The following MTMR4 variants were observed in gnomAD, a reference collection of about 807,000 sequenced individuals.
MTMR4 encodes phosphatidylinositol-3,5-bisphosphate 3-phosphatase MTMR4.
In MTMR4, 30 loss-of-function variants were observed where a neutral mutation model predicts 125.5. That is an observed-to-expected ratio of 0.24 (90% CI 0.18 to 0.32). The LOEUF (loss-of-function observed/expected upper bound fraction) is 0.32. Ranked by LOEUF, MTMR4 falls within the 10% of genes least tolerant of loss-of-function variation. The pLI is 1.00. For synonymous variants in MTMR4, 498 were observed against 564.5 expected, an observed-to-expected ratio of 0.88 and a Z score of 1.67; for missense variants, 1,039 against 1,511.5, an observed-to-expected ratio of 0.69 and a Z score of 5.18.
rs1188601485 is a variant in MTMR4, at chr17:58,496,110, G to A, written c.2074C>T (p.Pro692Ser). Residue 692 changes from proline (P) to serine (S), a missense_variant, in exon 15 of 18, where the codon CCT becomes TCT. Physicochemically the swap from Pro to Ser is moderately conservative, Grantham distance 74. Around this residue, in one of 6 missense-constraint regions of MTMR4, gnomAD observed 619 missense variants for 714.5 expected, o/e 0.87. Transcript: ENST00000682306. ...QTVGEVGLPP[P>S]LPSSQKDYLS... ...TAGTCTTTCTGGCTGCTGGGCAGAG[G>A]AGGAGGAAGACCCACTTCTCCTACA... 1.2e-6 allele frequency: 2 copies of A among 1,614,166 alleles called. No individual in the cohort carries two copies. Among genetic ancestry groups the A allele is most frequent in the Non-Finnish European group, 1.7e-6 (2 of 1,180,008 alleles).
upstream of MTMR4, chr17:58,516,649 A>G: frequency 6.3e-7 from 1 of 1,594,942 alleles, no homozygotes; most frequent in Non-Finnish European, 8.6e-7. Context: ...ATAAAAGTAA[A>G]GGACCCCATT....
At position 58,494,126 on chromosome 17, in the gene MTMR4, AAC is replaced by A. The variant is rs200154485; in HGVS notation, c.3252+804_3252+805del. Among the ~76,000 whole-genome samples the A allele has an allele frequency of 8.7e-3, 1,322 of 152,078 alleles. 21 individuals are homozygous for A. Among genetic ancestry groups the A allele is most frequent in the African/African-American group, 0.03 (1,224 of 41,446 alleles). On this transcript the variant is annotated intron_variant, in intron 15 of 17. Coordinates refer to ENST00000682306, the MANE Select transcript of MTMR4 (RefSeq NM_001378067.1). ...TCAGGGGATCGAGACCATCCTGGCT[AAC>A]ACAGTGAGACCCCATCTCTACTAAA... is the stretch of plus-strand genomic sequence containing the variant.
In MTMR4 at chr17:58,504,614, G is replaced by C; in HGVS notation, c.1342-126C>G. 2 of 1,351,034 alleles carry C rather than the reference G, an allele frequency of 1.5e-6. No individual in the cohort carries two copies. Among genetic ancestry groups the C allele is most frequent in the Non-Finnish European group, 2.0e-6 (2 of 995,078 alleles). The allele number at this position is 1,351,034 out of a possible 1,614,324, so 83.7% of individuals were successfully genotyped here. A position where few individuals can be genotyped will look rare whatever the true frequency, so the allele number is the denominator to read the frequency against. On this transcript the variant is annotated intron_variant, in intron 11 of 17. Coordinates refer to ENST00000682306, the MANE Select transcript of MTMR4 (RefSeq NM_001378067.1). The surrounding 1 kb of genome is among the most constrained non-coding windows in gnomAD (Gnocchi z 7.1). ...AAAAATAGGACTGGACCTAGAAGAG[G>C]ACTCAAAGCCACCAATTTTCCAAGC...
At position 58,508,249 on chromosome 17, in the gene MTMR4, G is replaced by C. The variant is rs202018897; in HGVS notation, c.619C>G (p.Leu207Val). 6.8e-5 allele frequency: 109 copies of C among 1,614,096 alleles called. No homozygotes were observed. The highest frequency in any genetic ancestry group is 1.5e-4 in the Admixed American group (9 of 60,028). ...TCAGTGATCCACACAGGAACCAGCA[G>C]CTTCTGGGGGTAACTGGGGCACAAT... ...YKLCPSYPQKLLVPVWITDKE... is the reference protein window; with the variant it reads ...YKLCPSYPQKVLVPVWITDKE... The change falls in exon 7 of 18, where the codon CTG becomes GTG. Residue 207 changes from leucine to valine, a missense_variant. This residue lies in a region of MTMR4 where 202 missense variants were observed against 311.9 expected (regional missense o/e 0.65). Transcript: ENST00000682306. This position sits in a 1 kb window ranked among gnomAD's most constrained non-coding sequence, Gnocchi z 4.8.
chr17:58,503,353 T>C (rs1975689851), intron 14 of MTMR4, among the ~76,000 whole-genome samples: 1 of 152,132 alleles, frequency 6.6e-6, no homozygotes, highest in Admixed American at 6.5e-5. Flanking sequence ...TGCTTTTAAA[T>C]ACCTCAGAAA....
intron 10 of MTMR4, among the ~76,000 whole-genome samples, chr17:58,505,268 G>A (rs142192171): frequency 0.01 from 1,542 of 152,274 alleles, 25 homozygotes; most frequent in African/African-American, 0.036. Flanking sequence ...TGATCCAAAC[G>A]AAAGGAATCC....
At chr17:58,494,274 T>C (rs950047970) in intron 15 of MTMR4, among the ~76,000 whole-genome samples, 2 of 149,876 alleles carry the variant, frequency 1.3e-5, no homozygotes, top group African/African-American at 4.9e-5. Context: ...TGAGCTGAGA[T>C]TGCACGACTG....
chr17:58,499,761 T>A (rs529249288), intron 14 of MTMR4, among the ~76,000 whole-genome samples: 1 of 151,300 alleles, frequency 6.6e-6, no homozygotes, highest in Non-Finnish European at 1.5e-5. Context: ...TAGCTGGGAC[T>A]ACAGGCGCCT....
At chr17:58,517,359 C>T (rs188527775), upstream of MTMR4, among the ~76,000 whole-genome samples, 569 of 152,374 alleles carry the variant, frequency 3.7e-3, 3 homozygotes, top group Non-Finnish European at 5.7e-3. Context: ...TGACACTTTC[C>T]TTCATGCCTG....
At chr17:58,513,003 T>G (rs1000049219) in intron 1 of MTMR4, 62 bp from the exon 2 acceptor site, 4 of 1,205,764 alleles carry the variant, frequency 3.3e-6, no homozygotes, top group Non-Finnish European at 4.9e-6. Context: ...CTCATTCTGC[T>G]CCTCTCCCCA....
At chr17:58,517,364 T>C (rs1194388970), upstream of MTMR4, among the ~76,000 whole-genome samples, 1 of 152,252 alleles carries the variant, frequency 6.6e-6, no homozygotes. Context: ...CTTTCCTTCA[T>C]GCCTGCTTTC....
rs1975354952 is a variant in MTMR4, at chr17:58,492,971, C to T, written c.3253-19G>A. ...AACATGTCTGATGAAAAGGCAAAGA[C>T]AACAAATTATCTTCATCATCATTAA... On this transcript the variant is annotated intron_variant, in intron 15 of 17. Coordinates refer to ENST00000682306, the MANE Select transcript of MTMR4 (RefSeq NM_001378067.1). 5 of 1,591,508 alleles carry T rather than the reference C, an allele frequency of 3.1e-6. No homozygotes were observed. Among genetic ancestry groups the T allele is most frequent in the Admixed American group, 1.7e-5 (1 of 60,000 alleles).
At position 58,512,637 on chromosome 17, in the gene MTMR4, A is replaced by C. The variant is rs1438701203; in HGVS notation, c.136-131T>G. 1.2e-6 allele frequency: 1 copy of C among 836,768 alleles called. No homozygotes were observed. The highest frequency in any genetic ancestry group is 2.0e-6 in the Non-Finnish European group (1 of 508,028). The allele number at this position is 836,768 out of a possible 1,614,324, so 51.8% of individuals were successfully genotyped here. A position where few individuals can be genotyped will look rare whatever the true frequency, so the allele number is the denominator to read the frequency against. ...AAGAGAGGAGAGTTCTCTCCACGGT[A>C]ACAGCACCAGGCAACAGCTGTACAG... On this transcript the variant is annotated intron_variant, in intron 2 of 17. Coordinates refer to ENST00000682306, the MANE Select transcript of MTMR4 (RefSeq NM_001378067.1). This position sits in a 1 kb window ranked among gnomAD's most constrained non-coding sequence, Gnocchi z 4.1.
upstream of MTMR4, chr17:58,515,040 T>C: frequency 3.0e-6 from 3 of 985,410 alleles, no homozygotes; most frequent in Non-Finnish European, 3.6e-6. Flanking sequence ...TCGTTAAACC[T>C]TTCTTTCCCC....
chr17:58,491,737 GT>G lies in MTMR4; in HGVS notation c.3555del (p.Glu1185AspfsTer12). On this transcript the variant is annotated frameshift_variant, in exon 18 of 18. Coordinates refer to ENST00000682306, the MANE Select transcript of MTMR4 (RefSeq NM_001378067.1). LOFTEE classifies it high-confidence loss of function. ...DPVLVCNSCY[E>X]HIQVSRAREL... Reference sequence around the variant, plus strand: ...TCCCTGGCACGAGAGACTTGAATGTGTTCGTAACATGAGTTACAGACGAGAA... The same window carrying G: ...TCCCTGGCACGAGAGACTTGAATGTGTCGTAACATGAGTTACAGACGAGAA... 1 of 1,614,138 alleles carries G rather than the reference GT, an allele frequency of 6.2e-7. No homozygotes were observed. The highest frequency in any genetic ancestry group is 8.5e-7 in the Non-Finnish European group (1 of 1,179,990).
chr17:58,518,078 A>G (rs1246495278), upstream of MTMR4, among the ~76,000 whole-genome samples: 1 of 152,242 alleles, frequency 6.6e-6, no homozygotes, highest in Non-Finnish European at 1.5e-5. Flanking sequence ...GGATGCCTAA[A>G]GACGAGACTA....
In MTMR4 at chr17:58,505,591, C is replaced by G. The variant is rs775041106; in HGVS notation, c.1034-8G>C. On this transcript the variant is annotated splice_region_variant and splice_polypyrimidine_tract_variant and intron_variant, in intron 9 of 17. Transcript: ENST00000682306. ...CACAGTTGGGATAGTACTCTGTAGA[C>G]ATGACAGGAGAGTGGGACATAAAAG... 6.2e-7 allele frequency: 1 copy of G among 1,603,012 alleles called. No individual in the cohort carries two copies. Among genetic ancestry groups the G allele is most frequent in the South Asian group, 1.1e-5 (1 of 90,868 alleles).
Position 58,504,499 on chromosome 17 carries a change from A to G in MTMR4, c.1342-11T>C, listed in dbSNP as rs1598220072. On this transcript the variant is annotated splice_polypyrimidine_tract_variant and intron_variant, in intron 11 of 17. Transcript: ENST00000682306. The surrounding 1 kb of genome is among the most constrained non-coding windows in gnomAD (Gnocchi z 7.1). ...TAACACTTGGAAGCCCTGCAAAAAA[A>G]GAAACTGTTCAAACATAGGGCCTCT... is the stretch of plus-strand genomic sequence containing the variant. 1 of 1,610,074 alleles carries G rather than the reference A, an allele frequency of 6.2e-7. No individual in the cohort carries two copies. The highest frequency in any genetic ancestry group is 8.5e-7 in the Non-Finnish European group (1 of 1,177,610).
At chr17:58,516,466 G>T (rs2143950254), upstream of MTMR4, 3 of 1,103,956 alleles carry the variant, frequency 2.7e-6, no homozygotes, top group South Asian at 1.3e-5. Context: ...ACATGTTTAG[G>T]AGCTGAACAG....
Sources: gnomAD v4.1 joint callset for allele counts (sites outside exome capture counted in the v4.1 genomes callset) on GRCh38, gnomAD v4.1.1 for gene constraint, gnomAD v4.1.1 regional missense constraint, Gnocchi (gnomAD v3.1) non-coding constraint, MANE v1.5 for transcripts, NCBI Gene and HGNC (gene_info 2026-07-23, HGNC 2026-07-21) for gene names.